TENM3: variants seen among roughly 807,000 people sequenced by gnomAD.
The protein encoded by TENM3 is teneurin transmembrane protein 3, also known as teneurin-3.
A neutral mutation model predicts 255.1 loss-of-function variants in TENM3; 63 were observed. That is an observed-to-expected ratio of 0.25 (90% confidence interval 0.20 to 0.30). The LOEUF (loss-of-function observed/expected upper bound fraction) is 0.30, where lower values mean the gene tolerates loss of function less well. Among genes scored for constraint, TENM3 ranks in the 10% least tolerant of loss-of-function variants. The probability of loss-of-function intolerance (pLI) is 1.00; values close to 1 mark genes in which losing one functional copy is unlikely to be tolerated. For missense variants in TENM3, 2,929 were observed against 3,461.1 expected (o/e 0.85, Z 3.86); for synonymous variants, 1,306 against 1,322.3 (o/e 0.99, Z 0.27).
At chr4:181,452,265 T>C in the TENM3 span, among the ~76,000 whole-genome samples, 79 of 152,216 alleles carry the variant, frequency 5.2e-4, no homozygotes, top group African/African-American at 1.7e-3. Context: ...ATTGAAGAGA[T>C]AAATAGGAAT....
chr4:181,837,521 C>T, the TENM3 span, among the ~76,000 whole-genome samples: 1 of 152,170 alleles, frequency 6.6e-6, no homozygotes, highest in Non-Finnish European at 1.5e-5. Flanking sequence ...TCATTAATTG[C>T]TAGACTGTGC....
chr4:181,860,218 T>A, the TENM3 span, among the ~76,000 whole-genome samples: 3 of 152,226 alleles, frequency 2.0e-5, no homozygotes, highest in Non-Finnish European at 4.4e-5. Context: ...AAGCGCCTGT[T>A]AACTACAATG....
the TENM3 span, among the ~76,000 whole-genome samples, chr4:181,565,573 A>G: frequency 6.6e-6 from 1 of 152,214 alleles, no homozygotes; most frequent in African/African-American, 2.4e-5. Flanking sequence ...GGCACGCAGC[A>G]AAGTCAAAAG....
chr4:182,476,467 A>G (rs958521028), intron 3 of TENM3, among the ~76,000 whole-genome samples: 1 of 152,202 alleles, frequency 6.6e-6, no homozygotes, highest in Admixed American at 6.5e-5. Flanking sequence ...GAAGAGTTAG[A>G]AAATGTTTAT....
intron 2 of TENM3, among the ~76,000 whole-genome samples, chr4:182,343,266 G>T (rs1369831212): frequency 6.6e-6 from 1 of 152,048 alleles, no homozygotes; most frequent in Non-Finnish European, 1.5e-5. Context: ...TATTGTTTTG[G>T]TCCTGTTTCA....
chr4:181,538,459 T>G, the TENM3 span, among the ~76,000 whole-genome samples: 1 of 143,092 alleles, frequency 7.0e-6, no homozygotes, highest in African/African-American at 2.6e-5. Flanking sequence ...GAGGATGGGA[T>G]GGGGAGGGGG....
At chr4:181,922,477 T>G in the TENM3 span, among the ~76,000 whole-genome samples, 1 of 152,044 alleles carries the variant, frequency 6.6e-6, no homozygotes, top group African/African-American at 2.4e-5. Context: ...GTGTATGTGT[T>G]GAGGAATTTA....
the TENM3 span, among the ~76,000 whole-genome samples, chr4:182,057,272 A>AGTC: frequency 6.7e-6 from 1 of 150,332 alleles, no homozygotes; most frequent in African/African-American, 2.5e-5. Flanking sequence ...GACATTTTAA[A>AGTC]GTCAGAGAAA....
chr4:182,341,671 A>G (rs1764495740), intron 2 of TENM3, among the ~76,000 whole-genome samples: 1 of 152,232 alleles, frequency 6.6e-6, no homozygotes, highest in African/African-American at 2.4e-5. Context: ...AACATTCTGT[A>G]TATTTAAGAT....
In TENM3 at chr4:182,720,349, C is replaced by T. The variant is rs192615605; in HGVS notation, c.2368+6116C>T. Among the ~76,000 whole-genome samples the T allele has an allele frequency of 4.3e-3, 643 of 151,120 alleles. 4 individuals are homozygous for T. The highest frequency in any genetic ancestry group is 6.9e-3 in the Middle Eastern group (2 of 288). On this transcript the variant is annotated intron_variant, in intron 13 of 27. Coordinates refer to ENST00000511685, the MANE Select transcript of TENM3 (RefSeq NM_001080477.4). Reference sequence around the variant, plus strand: ...GCAGGAAACAGCACTGGAAAGGAAGCGGGGGAGAGGGAGTTTAAAAAAAAA... The same window carrying T: ...GCAGGAAACAGCACTGGAAAGGAAGTGGGGGAGAGGGAGTTTAAAAAAAAA...
At chr4:182,260,535 T>A (rs1323495274) in intron 1 of TENM3, among the ~76,000 whole-genome samples, 1 of 152,244 alleles carries the variant, frequency 6.6e-6, no homozygotes, top group Non-Finnish European at 1.5e-5. Flanking sequence ...TTAGATATAA[T>A]AAGAATTATA....
chr4:182,109,235 T>C, the TENM3 span, among the ~76,000 whole-genome samples: 1 of 130,514 alleles, frequency 7.7e-6, no homozygotes, highest in Non-Finnish European at 1.7e-5. Flanking sequence ...ATTTATAAAT[T>C]ATGCTTTACT....
the TENM3 span, among the ~76,000 whole-genome samples, chr4:181,806,519 G>A: frequency 2.6e-5 from 4 of 152,214 alleles, no homozygotes; most frequent in Admixed American, 1.3e-4. Context: ...CCATGAATGC[G>A]CCACCTTCCT....
chr4:181,703,839 G>A, the TENM3 span, among the ~76,000 whole-genome samples: 1 of 151,904 alleles, frequency 6.6e-6, no homozygotes, highest in Non-Finnish European at 1.5e-5. Flanking sequence ...AAACAGAAAA[G>A]CAGCATATTG....
the TENM3 span, among the ~76,000 whole-genome samples, chr4:181,699,472 A>AAAAAAAAAAAAAT: frequency 2.3e-5 from 3 of 132,998 alleles, no homozygotes; most frequent in African/African-American, 6.0e-5. Context: ...AAAAAAAAAA[A>AAAAAAAAAAAAAT]GAAAGAAAGA....
intron 3 of TENM3, among the ~76,000 whole-genome samples, chr4:182,534,093 C>CTT (rs769651539): frequency 7.1e-4 from 108 of 152,190 alleles, no homozygotes; most frequent in Middle Eastern, 3.4e-3. Context: ...GCTATGTACT[C>CTT]TAAGAATACA....
chr4:181,830,970 G>A, the TENM3 span, among the ~76,000 whole-genome samples: 13 of 152,112 alleles, frequency 8.5e-5, no homozygotes, highest in African/African-American at 2.4e-4. Flanking sequence ...CACATAGGTA[G>A]CATTTCAATT....
chr4:182,701,031 T>A (rs141739493), intron 12 of TENM3, among the ~76,000 whole-genome samples: 13 of 152,152 alleles, frequency 8.5e-5, no homozygotes, highest in Non-Finnish European at 1.5e-4. Context: ...TTAATTGTTA[T>A]GGTGTTGAAT....
chr4:181,974,648 C>T, the TENM3 span, among the ~76,000 whole-genome samples: 6 of 152,144 alleles, frequency 3.9e-5, no homozygotes, highest in Admixed American at 2.0e-4. Flanking sequence ...AGTGGAATAA[C>T]GGGTTCAAAG....
Sources: gnomAD v4.1 joint callset for allele counts (sites outside exome capture counted in the v4.1 genomes callset) on GRCh38, gnomAD v4.1.1 for gene constraint, MANE v1.5 for transcripts, NCBI Gene and HGNC (gene_info 2026-07-23, HGNC 2026-07-21) for gene names.